PCDHGB6: variants seen among roughly 807,000 people sequenced by gnomAD.
PCDHGB6 encodes the protein protocadherin gamma-B6.
Under a neutral mutation model 59.1 loss-of-function variants are expected in PCDHGB6, and 51 were observed. The ratio of observed to expected loss-of-function variants is 0.86; its 90% CI spans 0.69 to 1.09. The LOEUF (loss-of-function observed/expected upper bound fraction) is 1.09, where lower values mean the gene tolerates loss of function less well. PCDHGB6 is among the 50% of genes least tolerant of loss of function. The probability of loss-of-function intolerance (pLI) is 0.00; values close to 1 mark genes in which losing one functional copy is unlikely to be tolerated. For missense variants in PCDHGB6, 1,148 were observed against 1,205.1 expected (o/e 0.95, Z 0.70); for synonymous variants, 466 against 495.1 (o/e 0.94, Z 0.78).
Position 141,409,185 on chromosome 5 carries a change from C to A in PCDHGB6, c.983C>A (p.Ser328Tyr). The change falls in exon 1 of 4, where the codon TCT becomes TAT. Residue 328 changes from serine to tyrosine, a missense_variant. Ser to Tyr is a moderately radical substitution (Grantham distance 144). This residue lies in a region of PCDHGB6 where 549 missense variants were observed against 527.5 expected (regional missense o/e 1.04). Coordinates refer to ENST00000520790, the MANE Select transcript of PCDHGB6 (RefSeq NM_018926.3). Reference protein sequence around the residue: ...EVEAKDGGGLSTQCKVIIEIL... With the variant: ...EVEAKDGGGLYTQCKVIIEIL... ...GAAGCGAAGGACGGAGGTGGTCTCT[C>A]TACCCAGTGTAAAGTAATCATAGAA... is the stretch of plus-strand genomic sequence containing the variant. 1 of 1,614,024 alleles carries A rather than the reference C, an allele frequency of 6.2e-7. No individual in the cohort carries two copies. The highest frequency in any genetic ancestry group is 8.5e-7 in the Non-Finnish European group (1 of 1,179,890).
At chr5:141,448,114 A>G (rs1483138819) in intron 1 of PCDHGB6, among the ~76,000 whole-genome samples, 1 of 151,948 alleles carries the variant, frequency 6.6e-6, no homozygotes, top group Non-Finnish European at 1.5e-5. Flanking sequence ...AGAAAAGAAA[A>G]TTAGCCTCCC....
At chr5:141,423,882 C>T in intron 1 of PCDHGB6, 3 of 1,282,372 alleles carry the variant, frequency 2.3e-6, no homozygotes, top group Non-Finnish European at 3.0e-6. Context: ...TCAATCTTGG[C>T]ATATTTTCTT....
chr5:141,489,447 G>A lies in PCDHGB6; in HGVS notation c.2419-5360G>A. The A allele has an allele frequency of 5.6e-6, 9 of 1,614,134 alleles. No homozygotes were observed. The highest frequency in any genetic ancestry group is 7.6e-6 in the Non-Finnish European group (9 of 1,180,028). ...GCCGGCGGCTGCAATTGGGCTCTGA[G>A]GAGAATGGGCGCTATTTTTCCCTGA... On this transcript the variant is annotated intron_variant, in intron 1 of 3. Coordinates refer to ENST00000520790, the MANE Select transcript of PCDHGB6 (RefSeq NM_018926.3). This position sits in a 1 kb window ranked among gnomAD's most constrained non-coding sequence, Gnocchi z 4.5.
At chr5:141,425,429 A>G in intron 1 of PCDHGB6, among the ~76,000 whole-genome samples, 1 of 152,254 alleles carries the variant, frequency 6.6e-6, no homozygotes, top group East Asian at 1.9e-4. Flanking sequence ...CCCATTAAAT[A>G]GAGGATAAAA....
chr5:141,413,909 T>C, intron 1 of PCDHGB6: 2 of 1,613,316 alleles, frequency 1.2e-6, no homozygotes, highest in Non-Finnish European at 1.7e-6. Context: ...AACGCGCCGG[T>C]CTTCACCTTG....
At position 141,409,761 on chromosome 5, in the gene PCDHGB6, T is replaced by A; in HGVS notation, c.1559T>A (p.Phe520Tyr). ...QSGVVFAQRA[F>Y]DHEQLRAFAL... Reference sequence around the variant, plus strand: ...GGGGTGGTGTTCGCGCAGCGCGCCTTTGATCACGAGCAGCTGCGCGCCTTC... The same window carrying A: ...GGGGTGGTGTTCGCGCAGCGCGCCTATGATCACGAGCAGCTGCGCGCCTTC... Residue 520 changes from phenylalanine (F) to tyrosine (Y), a missense_variant, in exon 1 of 4, where the codon TTT becomes TAT. Phe to Tyr is a conservative substitution (Grantham distance 22). Coordinates refer to ENST00000520790, the MANE Select transcript of PCDHGB6 (RefSeq NM_018926.3). The A allele has an allele frequency of 6.2e-7, 1 of 1,612,966 alleles. No homozygotes were observed. The highest frequency in any genetic ancestry group is 8.5e-7 in the Non-Finnish European group (1 of 1,179,820).
intron 1 of PCDHGB6, among the ~76,000 whole-genome samples, chr5:141,473,191 G>C (rs28479996): frequency 6.6e-6 from 1 of 152,134 alleles, no homozygotes; most frequent in South Asian, 2.1e-4. Flanking sequence ...AGGAGTAAAT[G>C]TATCTTCTAA....
intron 1 of PCDHGB6, among the ~76,000 whole-genome samples, chr5:141,464,251 C>T (rs1438610569): frequency 1.4e-5 from 2 of 141,396 alleles, no homozygotes; most frequent in Admixed American, 7.5e-5. Flanking sequence ...GGCTACAGAG[C>T]GAGACTCCGT....
At chr5:141,505,306 T>C in intron 2 of PCDHGB6, 87 bp from the exon 3 acceptor site, 4 of 1,596,550 alleles carry the variant, frequency 2.5e-6, no homozygotes, top group Non-Finnish European at 3.4e-6. Context: ...GTTAGGGTAC[T>C]AGGTTTGGGA....
intron 1 of PCDHGB6, chr5:141,440,087 A>C (rs1014881024): frequency 6.6e-6 from 1 of 152,316 alleles, no homozygotes; most frequent in African/African-American, 2.4e-5. Context: ...CTTCATTCTA[A>C]GTGGGGAAAG....
intron 2 of PCDHGB6, among the ~76,000 whole-genome samples, chr5:141,500,421 G>A (rs1247202322): frequency 6.6e-6 from 1 of 151,852 alleles, no homozygotes; most frequent in Non-Finnish European, 1.5e-5. Flanking sequence ...GTGTTAGCCA[G>A]GATGGTCTCG....
At position 141,477,131 on chromosome 5, in the gene PCDHGB6, TTGG is replaced by T; in HGVS notation, c.2419-17672_2419-17670del. 1 of 1,614,130 alleles carries T rather than the reference TTGG, an allele frequency of 6.2e-7. No individual in the cohort carries two copies. The highest frequency in any genetic ancestry group is 8.5e-7 in the Non-Finnish European group (1 of 1,180,014). On this transcript the variant is annotated intron_variant, in intron 1 of 3. Transcript: ENST00000520790. The surrounding 1 kb of genome is among the most constrained non-coding windows in gnomAD (Gnocchi z 4.9). The stretch of plus-strand genomic sequence containing the variant: ...TCCCGAAGGAGCACATTGCAAAGTG[TTGG>T]TGGAGGTTGTGGATGTGAATGACAA...
Position 141,491,197 on chromosome 5 carries a change from G to A in PCDHGB6, c.2419-3610G>A. Reference sequence around the variant, plus strand: ...GGTGGTCCTGGTGAGGGACAATGGTGACCCTTCACTCTCCTCCACAGCCAC... The same window carrying A: ...GGTGGTCCTGGTGAGGGACAATGGTAACCCTTCACTCTCCTCCACAGCCAC... On this transcript the variant is annotated intron_variant, in intron 1 of 3. Coordinates refer to ENST00000520790, the MANE Select transcript of PCDHGB6 (RefSeq NM_018926.3). The surrounding 1 kb of genome is among the most constrained non-coding windows in gnomAD (Gnocchi z 6.9). 6.2e-7 allele frequency: 1 copy of A among 1,614,190 alleles called. No individual in the cohort carries two copies. The highest frequency in any genetic ancestry group is 8.5e-7 in the Non-Finnish European group (1 of 1,180,024).
chr5:141,414,537 T>C (rs2095757230), intron 1 of PCDHGB6: 1 of 1,613,978 alleles, frequency 6.2e-7, no homozygotes, highest in Non-Finnish European at 8.5e-7. Flanking sequence ...ACAACCCACC[T>C]ACCTTCTCTC....
chr5:141,418,647 G>C, intron 1 of PCDHGB6: 1 of 1,614,034 alleles, frequency 6.2e-7, no homozygotes, highest in Non-Finnish European at 8.5e-7. Flanking sequence ...TCCATCCTGA[G>C]AGTGAAGGCC....
chr5:141,443,367 C>T (rs1305408862), intron 1 of PCDHGB6, among the ~76,000 whole-genome samples: 1 of 151,712 alleles, frequency 6.6e-6, no homozygotes, highest in African/African-American at 2.4e-5. Flanking sequence ...TGCCTGTGGT[C>T]TCAGCTACTT....
rs761905572 is a variant in PCDHGB6 at position 141,486,493 on chromosome 5, T to A, written c.2419-8314T>A. The A allele has an allele frequency of 2.5e-6, 4 of 1,614,136 alleles. No homozygotes were observed. The highest frequency in any genetic ancestry group is 1.7e-4 in the Middle Eastern group (1 of 6,060). On this transcript the variant is annotated intron_variant, in intron 1 of 3. Transcript: ENST00000520790. This position sits in a 1 kb window ranked among gnomAD's most constrained non-coding sequence, Gnocchi z 5.0. ...ACCCTCCTCTCAGTACCCACAGAAC[T>A]ATTTTCCTCAATATTTCAGATGTGA... is the stretch of plus-strand genomic sequence containing the variant.
chr5:141,473,362 C>G (rs2099320242), intron 1 of PCDHGB6, among the ~76,000 whole-genome samples: 1 of 152,166 alleles, frequency 6.6e-6, no homozygotes, highest in South Asian at 2.1e-4. Flanking sequence ...AAGTGGCCAC[C>G]AAAATAGCAT....
At chr5:141,494,638 A>G (rs2099755799) in intron 1 of PCDHGB6, 169 bp from the exon 2 acceptor site, 1 of 896,388 alleles carries the variant, frequency 1.1e-6, no homozygotes, top group African/African-American at 1.8e-5. Context: ...GACCTCTGAG[A>G]CCTGAGGTGT....
Sources: gnomAD v4.1 joint callset for allele counts (sites outside exome capture counted in the v4.1 genomes callset) on GRCh38, gnomAD v4.1.1 for gene constraint, gnomAD v4.1.1 regional missense constraint, Gnocchi (gnomAD v3.1) non-coding constraint, MANE v1.5 for transcripts, NCBI Gene and HGNC (gene_info 2026-07-23, HGNC 2026-07-21) for gene names.